The following MEGF9 variants were observed in gnomAD, a reference collection of about 807,000 sequenced individuals.
MEGF9 encodes multiple EGF like domains 9.
MEGF9 carries 6 observed loss-of-function variants against 46.8 expected under a neutral mutation model. The observed-to-expected ratio is 0.13, with a 90% CI of 0.07 to 0.25. The LOEUF is 0.25. Ranked by LOEUF, MEGF9 falls within the 10% of genes least tolerant of loss-of-function variation. MEGF9 has a pLI of 1.00. For missense variants in MEGF9, 683 were observed against 792.4 expected (o/e 0.86, Z 1.66); for synonymous variants, 302 against 330.7 (o/e 0.91, Z 0.94).
rs116173264 is a variant in MEGF9, at chr9:120,694,109, G to A, written c.601+19649C>T. 9.1e-3 allele frequency among the ~76,000 whole-genome samples: 1,383 copies of A among 152,236 alleles called. 23 individuals carry two copies. Among genetic ancestry groups the A allele is most frequent in the African/African-American group, 0.032 (1,324 of 41,554 alleles). Reference sequence around the variant, plus strand: ...TACAAATCAGAAAAGAGAAGCAAAGGTGGCAGGGGCAAAAGATGCATTACA... The same window carrying A: ...TACAAATCAGAAAAGAGAAGCAAAGATGGCAGGGGCAAAAGATGCATTACA... On this transcript the variant is annotated intron_variant, in intron 1 of 5. Transcript: ENST00000373930.
chr9:120,701,802 T>C (rs972526241), intron 1 of MEGF9, among the ~76,000 whole-genome samples: 4 of 152,162 alleles, frequency 2.6e-5, no homozygotes, highest in Non-Finnish European at 5.9e-5. Context: ...CCTAGCACTT[T>C]GGGAGGCCAA....
intron 1 of MEGF9, 67 bp from the exon 2 acceptor site, chr9:120,659,642 C>A (rs1283646442): frequency 3.3e-6 from 4 of 1,230,422 alleles, no homozygotes; most frequent in African/African-American, 3.1e-5. Flanking sequence ...AAAATGAACT[C>A]TATTTTATTT....
intron 2 of MEGF9, among the ~76,000 whole-genome samples, chr9:120,623,603 G>A (rs2043511334): frequency 6.6e-6 from 1 of 152,056 alleles, no homozygotes; most frequent in African/African-American, 2.4e-5. Context: ...ATACTATCAA[G>A]CATGAATCTA....
Position 120,714,040 on chromosome 9 carries a change from C to A in MEGF9, c.319G>T (p.Ala107Ser). 7.6e-7 allele frequency: 1 copy of A among 1,319,596 alleles called. No individual in the cohort carries two copies. Among genetic ancestry groups the A allele is most frequent in the Non-Finnish European group, 9.7e-7 (1 of 1,031,514 alleles). The allele number at this position is 1,319,596 out of a possible 1,614,324, so 81.7% of individuals were successfully genotyped here. ...GTGGTGGAAGAGGGTCCAGCAGTCGCCCAAAGAGGGGTGGTCTCCGGGGAC... is the reference window on the plus strand; with the variant it reads ...GTGGTGGAAGAGGGTCCAGCAGTCGACCAAAGAGGGGTGGTCTCCGGGGAC... ...AQSPETTPLW[A>S]TAGPSSTTFQ... The change falls in exon 1 of 6, where the codon GCG becomes TCG. Residue 107 changes from alanine to serine, a missense_variant. This residue lies in a region of MEGF9 where 370 missense variants were observed against 371.3 expected (regional missense o/e 1.00). Transcript: ENST00000373930.
Position 120,601,411 on chromosome 9 carries a change from T to G in MEGF9, c.*3779A>C, listed in dbSNP as rs2043395065. On this transcript the variant is annotated 3_prime_UTR_variant, in exon 6 of 6. Coordinates refer to ENST00000373930, the MANE Select transcript of MEGF9 (RefSeq NM_001080497.3). ...AATCAAAGCTGTCAAGAGGAAGTATTGTTGCTTTAGTTTTCTACTCCCAAA... is the reference window on the plus strand; with the variant it reads ...AATCAAAGCTGTCAAGAGGAAGTATGGTTGCTTTAGTTTTCTACTCCCAAA... The G allele has an allele frequency of 6.6e-6, 1 of 152,218 alleles. No homozygotes were observed. Among genetic ancestry groups the G allele is most frequent in the African/African-American group, 2.4e-5 (1 of 41,452 alleles). The allele number at this position is 152,218 out of a possible 1,614,324, so 9.4% of individuals were successfully genotyped here.
chr9:120,634,661 C>T (rs989740372), intron 2 of MEGF9, among the ~76,000 whole-genome samples: 1 of 151,796 alleles, frequency 6.6e-6, no homozygotes, highest in African/African-American at 2.4e-5. Flanking sequence ...ATAGTTAGGC[C>T]ATATCTTTTT....
chr9:120,633,235 G>A (rs1056006041), intron 2 of MEGF9, among the ~76,000 whole-genome samples: 2 of 152,026 alleles, frequency 1.3e-5, no homozygotes, highest in Non-Finnish European at 2.9e-5. Flanking sequence ...TTCTTTATTG[G>A]GAGGCTTTTT....
intron 1 of MEGF9, chr9:120,691,499 T>C (rs374172997): frequency 3.1e-4 from 123 of 399,168 alleles, no homozygotes; most frequent in South Asian, 1.3e-3. Context: ...AGATTTCAAA[T>C]ATGCACACTA....
intron 1 of MEGF9, among the ~76,000 whole-genome samples, chr9:120,695,036 T>TAA (rs748784492): frequency 3.6e-5 from 5 of 137,448 alleles, no homozygotes; most frequent in African/African-American, 1.3e-4. Flanking sequence ...TATAGTGGTT[T>TAA]AAAAAAAAAA....
intron 3 of MEGF9, among the ~76,000 whole-genome samples, chr9:120,618,145 AAAAC>A (rs1292900742): frequency 2.6e-5 from 4 of 152,214 alleles, no homozygotes; most frequent in South Asian, 2.1e-4. Context: ...AAAATGAGCT[AAAAC>A]AAACAAACAA....
At chr9:120,695,668 T>C (rs1380049545) in intron 1 of MEGF9, among the ~76,000 whole-genome samples, 1 of 123,370 alleles carries the variant, frequency 8.1e-6, no homozygotes, top group Non-Finnish European at 1.7e-5. Context: ...GGAAGTATAA[T>C]AGGAGGCTGT....
chr9:120,662,094 A>G (rs114077509), intron 1 of MEGF9, among the ~76,000 whole-genome samples: 2,929 of 152,324 alleles, frequency 0.019, 107 homozygotes, highest in African/African-American at 0.068. Flanking sequence ...AATGTTCCCA[A>G]TGAGTAAGAT....
At chr9:120,635,851 C>T (rs564490967) in intron 2 of MEGF9, among the ~76,000 whole-genome samples, 18 of 152,252 alleles carry the variant, frequency 1.2e-4, no homozygotes, top group African/African-American at 3.4e-4. Context: ...TAGAAAGTGA[C>T]GTTCCTTTGG....
At chr9:120,643,716 T>C (rs1002416130) in intron 2 of MEGF9, among the ~76,000 whole-genome samples, 5 of 152,044 alleles carry the variant, frequency 3.3e-5, no homozygotes, top group African/African-American at 9.7e-5. Context: ...TTTTTCTTTT[T>C]TTTTTTGAGA....
At chr9:120,699,554 C>G (rs1279860213) in intron 1 of MEGF9, among the ~76,000 whole-genome samples, 1 of 150,702 alleles carries the variant, frequency 6.6e-6, no homozygotes, top group Non-Finnish European at 1.5e-5. Context: ...TGCATGTCTA[C>G]AATTTTTTTT....
intron 1 of MEGF9, among the ~76,000 whole-genome samples, chr9:120,675,641 C>A (rs1353157543): frequency 9.8e-6 from 1 of 102,286 alleles, no homozygotes; most frequent in Non-Finnish European, 2.4e-5. Flanking sequence ...GTAATCCCAG[C>A]ACTTTGGGAG....
At position 120,604,978 on chromosome 9, in the gene MEGF9, C is replaced by T; in HGVS notation, c.*212G>A. The T allele has an allele frequency of 1.7e-6, 1 of 580,872 alleles. No individual in the cohort carries two copies. Among genetic ancestry groups the T allele is most frequent in the Non-Finnish European group, 3.0e-6 (1 of 332,688 alleles). The allele number at this position is 580,872 out of a possible 1,614,324, so 36.0% of individuals were successfully genotyped here. ...TTTGGTACAAAAATATACTTTACTT[C>T]AAGTCCTAATGACAGTGAACGCTTC... On this transcript the variant is annotated 3_prime_UTR_variant, in exon 6 of 6. Transcript: ENST00000373930.
At chr9:120,621,428 C>T (rs1373118590) in intron 3 of MEGF9, among the ~76,000 whole-genome samples, 2 of 152,190 alleles carry the variant, frequency 1.3e-5, no homozygotes, top group Non-Finnish European at 2.9e-5. Flanking sequence ...ACTTTGTCTT[C>T]ACTGTGTACA....
rs2043407316 is a variant in MEGF9 at position 120,603,687 on chromosome 9, A to G, written c.*1503T>C. 1 of 152,242 alleles carries G rather than the reference A, an allele frequency of 6.6e-6. No individual in the cohort carries two copies. Among genetic ancestry groups the G allele is most frequent in the African/African-American group, 2.4e-5 (1 of 41,450 alleles). 9.4% of individuals were successfully genotyped at this position (152,242 alleles called of 1,614,324 possible). On this transcript the variant is annotated 3_prime_UTR_variant, in exon 6 of 6. Coordinates refer to ENST00000373930, the MANE Select transcript of MEGF9 (RefSeq NM_001080497.3). ...TTGCTTAACCCAAAATGTCAATATC[A>G]TAATAAACGAGAGCAACAGTAGTTG...
Sources: allele counts gnomAD v4.1 joint callset (sites outside exome capture counted in the v4.1 genomes callset), GRCh38; gene constraint gnomAD v4.1.1; regional missense constraint gnomAD v4.1.1; transcripts MANE v1.5; gene names NCBI Gene and HGNC (gene_info 2026-07-23, HGNC 2026-07-21).